Variants in ZAN observed in about 807,000 individuals in gnomAD.
ZAN encodes the protein zonadhesin, also known as zonadhesin (gene/pseudogene).
ZAN carries 260 observed loss-of-function variants against 286.2 expected under a neutral mutation model. The ratio of observed to expected loss-of-function variants is 0.91; its 90% CI spans 0.82 to 1.01. The LOEUF (loss-of-function observed/expected upper bound fraction) is 1.01. ZAN is among the 50% of genes least tolerant of loss of function. The probability of loss-of-function intolerance (pLI) is 0.00; values close to 1 mark genes in which losing one functional copy is unlikely to be tolerated. For synonymous variants in ZAN, 1,368 were observed against 1,417.5 expected (o/e 0.97, Z 0.79); for missense variants, 3,410 against 3,639.2 (o/e 0.94, Z 1.62).
rs376185033 is a variant in ZAN at position 100,746,683 on chromosome 7, C to T, written c.912C>T (p.His304=). ...GCCAGTCTCCTGGTGCAGCCCTCCA[C>T]ATTTATGCTTCAGTCTTGGGTTAGA... ...LRGQSPGAAL[H]IYASVLGSIR... Residue 304 remains histidine (H), a synonymous_variant, in exon 8 of 48, where the codon CAC becomes CAT. Coordinates refer to ENST00000613979, the MANE Select transcript of ZAN (RefSeq NM_003386.3). The T allele has an allele frequency of 6.2e-7, 1 of 1,613,950 alleles. No homozygotes were observed. The highest frequency in any genetic ancestry group is 1.3e-5 in the African/African-American group (1 of 75,044).
Position 100,793,802 on chromosome 7 carries a change from C to A in ZAN, c.7788-18C>A. On this transcript the variant is annotated intron_variant, in intron 42 of 47. Coordinates refer to ENST00000613979, the MANE Select transcript of ZAN (RefSeq NM_003386.3). The stretch of plus-strand genomic sequence containing the variant: ...CTGCCCAGCCCCAGCCAGTTTCTGA[C>A]CATGACTGTCCCCGCAGCCATGGAG... 1.3e-6 allele frequency: 2 copies of A among 1,566,158 alleles called. No individual in the cohort carries two copies. The highest frequency in any genetic ancestry group is 1.2e-5 in the South Asian group (1 of 82,546).
At chr7:100,789,484 AGGAGGTGAGGTGAGACCAGGT>A in intron 39 of ZAN, 137 bp downstream of exon 39, 2 of 1,399,012 alleles carry the variant, frequency 1.4e-6, no homozygotes, top group South Asian at 2.7e-5. Flanking sequence ...GAGGACCAGG[AGGAGGTGAGGTGAGACCAGGT>A]GGAGAGCAGA....
chr7:100,744,718 C>T (rs1205249547), intron 7 of ZAN, among the ~76,000 whole-genome samples: 3 of 151,662 alleles, frequency 2.0e-5, no homozygotes, highest in Non-Finnish European at 4.4e-5. Context: ...CACCGTGTAC[C>T]GCGCCCAGCA....
intron 36 of ZAN, 92 bp from the exon 37 acceptor site, chr7:100,785,905 C>T (rs1168288418): frequency 7.5e-6 from 11 of 1,469,224 alleles, no homozygotes; most frequent in Admixed American, 6.4e-5. Context: ...GTGATCCACC[C>T]GTCTCGGCCT....
chr7:100,790,175 G>C (rs1811845545), intron 39 of ZAN, among the ~76,000 whole-genome samples: 2 of 151,344 alleles, frequency 1.3e-5, no homozygotes, highest in Non-Finnish European at 2.9e-5. Flanking sequence ...GAGGAGAGAG[G>C]ATCGCTTGAG....
At position 100,763,897 on chromosome 7, in the gene ZAN, G is replaced by A. The variant is rs1393178685; in HGVS notation, c.4078G>A (p.Asp1360Asn). The A allele has an allele frequency of 3.1e-6, 5 of 1,613,976 alleles. No individual in the cohort carries two copies. Among genetic ancestry groups the A allele is most frequent in the East Asian group, 4.5e-5 (2 of 44,890 alleles). The change falls in exon 21 of 48, where the codon GAC becomes AAC. Residue 1360 changes from aspartate (D) to asparagine (N), a missense_variant. By Grantham distance (23) the Asp-to-Asn change is conservative. This residue lies in a region of ZAN where 1,042 missense variants were observed against 1,058.0 expected (regional missense o/e 0.98). Transcript: ENST00000613979. This position sits in a 1 kb window ranked among gnomAD's most constrained non-coding sequence, Gnocchi z 4.6. ...SGPGFCGRLV[D>N]THGPFETCLL... ...GCCAGGGTTCTGTGGACGGCTGGTC[G>A]ACACTCATGGCCCATTTGAGTATGA...
At chr7:100,756,068 T>C (rs556744870) in intron 15 of ZAN, among the ~76,000 whole-genome samples, 104 of 152,284 alleles carry the variant, frequency 6.8e-4, no homozygotes, top group Non-Finnish European at 5.9e-4. Context: ...TTTGTATTTT[T>C]AGTAGAGATA....
chr7:100,737,067 C>A lies in ZAN; in HGVS notation c.512C>A (p.Thr171Asn). 1 of 1,494,966 alleles carries A rather than the reference C, an allele frequency of 6.7e-7. No homozygotes were observed. Among genetic ancestry groups the A allele is most frequent in the Non-Finnish European group, 9.1e-7 (1 of 1,093,634 alleles). 92.6% of individuals were successfully genotyped at this position (1,494,966 alleles called of 1,614,324 possible). ...ACCGTCACTGTGCCCGCAGGGTTCA[C>A]CCTGCCCACCCGGGTAAGGCCGGGG... ...LTTVTVPAGFTLPTRLMFEGT... is the reference protein window; with the variant it reads ...LTTVTVPAGFNLPTRLMFEGT... Residue 171 changes from threonine to asparagine, a missense_variant, in exon 5 of 48, where the codon ACC becomes AAC. Transcript: ENST00000613979.
intron 15 of ZAN, 45 bp from the exon 16 acceptor site, chr7:100,758,157 T>C (rs1435253926): frequency 6.6e-7 from 1 of 1,526,138 alleles, no homozygotes; most frequent in Non-Finnish European, 8.8e-7. Flanking sequence ...GGAGAAGTAC[T>C]CTAGGAGCTA....
At chr7:100,735,902 A>T in intron 3 of ZAN, 130 bp downstream of exon 3, 1 of 735,006 alleles carries the variant, frequency 1.4e-6, no homozygotes, top group South Asian at 1.7e-5. Context: ...ATCAGCCAGG[A>T]CTACAAAATG....
Position 100,797,557 on chromosome 7 carries a change from T to C in ZAN, c.8367-20T>C. 1 of 1,613,840 alleles carries C rather than the reference T, an allele frequency of 6.2e-7. No homozygotes were observed. On this transcript the variant is annotated intron_variant, in intron 46 of 47. Transcript: ENST00000613979. The stretch of plus-strand genomic sequence containing the variant: ...AAAGGGCCACTTGGGGACCCATGTC[T>C]ATTCCCCCATGCCTTCTAGAGAGAA...
At chr7:100,775,862 G>C in intron 33 of ZAN, 29 bp downstream of exon 33, 1 of 1,609,184 alleles carries the variant, frequency 6.2e-7, no homozygotes, top group Non-Finnish European at 8.5e-7. Context: ...TCTTCTCGCT[G>C]GGGAGGCAGC....
intron 22 of ZAN, among the ~76,000 whole-genome samples, chr7:100,764,446 G>T (rs1373637476): frequency 1.3e-5 from 2 of 152,076 alleles, no homozygotes; most frequent in Non-Finnish European, 2.9e-5. Flanking sequence ...AGTGAGCCGA[G>T]ATTGCGCCAC....
Position 100,765,392 on chromosome 7 carries a change from G to A in ZAN, c.4308G>A (p.Ala1436=), listed in dbSNP as rs948243199. 3.0e-5 allele frequency: 48 copies of A among 1,613,820 alleles called. No homozygotes were observed. Among genetic ancestry groups the A allele is most frequent in the Non-Finnish European group, 3.8e-5 (45 of 1,179,878 alleles). The part of the protein sequence containing the change: ...CPPNSKYSLC[A]KPCPDTCHSG... ...CCAACAGCAAGTACTCCCTGTGTGC[G>A]AAGCCATGCCCTGACACCTGCCATT... The change falls in exon 23 of 48, where the codon GCG becomes GCA. Residue 1436 remains alanine, a synonymous_variant. Coordinates refer to ENST00000613979, the MANE Select transcript of ZAN (RefSeq NM_003386.3).
rs749780554 is a variant in ZAN, at chr7:100,765,365, G to A, written c.4281G>A (p.Pro1427=). 6.2e-6 allele frequency: 10 copies of A among 1,613,632 alleles called. No individual in the cohort carries two copies. Among genetic ancestry groups the A allele is most frequent in the Admixed American group, 1.7e-5 (1 of 59,944 alleles). Residue 1427 remains proline, a synonymous_variant, in exon 23 of 48, where the codon CCG becomes CCA. Transcript: ENST00000613979. ...TCCCTCCACCAGCAATGGCCTGCCC[G>A]CCCAACAGCAAGTACTCCCTGTGTG... ...REPHFCPMAC[P]PNSKYSLCAK...
rs1304073986 is a variant in ZAN, at chr7:100,736,580, G to A, written c.204G>A (p.Gly68=). ...ATGAAGACTGGGTTCGAGCCAGTGG[G>A]CCCTCTCCCACCGGCTCCACCGGGG... ...ADDEDWVRAS[G]PSPTGSTGAP... Residue 68 remains glycine, a synonymous_variant, in exon 4 of 48, where the codon GGG becomes GGA. Coordinates refer to ENST00000613979, the MANE Select transcript of ZAN (RefSeq NM_003386.3). 11 of 1,523,000 alleles carry A rather than the reference G, an allele frequency of 7.2e-6. 2 individuals are homozygous for A. Among genetic ancestry groups the A allele is most frequent in the Admixed American group, 1.7e-5 (1 of 57,452 alleles). 94.3% of individuals were successfully genotyped at this position (1,523,000 alleles called of 1,614,324 possible).
At position 100,735,904 on chromosome 7, in the gene ZAN, T is replaced by C. The variant is rs1807260822; in HGVS notation, c.106+132T>C. ...GTCCCCTCCGGGCATCAGCCAGGAC[T>C]ACAAAATGTGTCCTGCCAGGCCAAG... is the stretch of plus-strand genomic sequence containing the variant. On this transcript the variant is annotated intron_variant, in intron 3 of 47. Transcript: ENST00000613979. The C allele has an allele frequency of 2.8e-6, 2 of 715,832 alleles. 1 individual carries two copies. The highest frequency in any genetic ancestry group is 5.7e-5 in the Admixed American group (2 of 34,938). The allele number at this position is 715,832 out of a possible 1,614,324, so 44.3% of individuals were successfully genotyped here. A position where few individuals can be genotyped will look rare whatever the true frequency, so the allele number is the denominator to read the frequency against.
In ZAN at chr7:100,779,736, A is replaced by G; in HGVS notation, c.6608A>G (p.Asn2203Ser). ...GGGCTCAAGCCCCCACTCTGGAGAA[A>G]CAGCAGCTTCTGCCGTGAGTGTGCC... ...SQGLKPPLWR[N>S]SSFCPLECPA... Residue 2203 changes from asparagine to serine, a missense_variant, in exon 35 of 48, where the codon AAC becomes AGC. Around this residue, in one of 7 missense-constraint regions of ZAN, gnomAD observed 1,289 missense variants for 1,314.3 expected, o/e 0.98. Transcript: ENST00000613979. The G allele has an allele frequency of 6.4e-7, 1 of 1,553,598 alleles. No individual in the cohort carries two copies.
rs1040357059 is a variant in ZAN, at chr7:100,735,620, C to A, written c.54-100C>A. The A allele has an allele frequency of 2.1e-4, 190 of 918,194 alleles. 21 individuals carry two copies. In the African/African-American group the frequency reaches 3.0e-3, roughly 14 times the overall value. The allele number at this position is 918,194 out of a possible 1,614,324, so 56.9% of individuals were successfully genotyped here. A position where few individuals can be genotyped will look rare whatever the true frequency, so the allele number is the denominator to read the frequency against. ...ACACATTCACTGCATAAACACTGAT[C>A]ATCCTTACGTGACCACTCAGAAAGC... On this transcript the variant is annotated intron_variant, in intron 2 of 47. Coordinates refer to ENST00000613979, the MANE Select transcript of ZAN (RefSeq NM_003386.3).
Sources: allele counts gnomAD v4.1 joint callset (sites outside exome capture counted in the v4.1 genomes callset), GRCh38; gene constraint gnomAD v4.1.1; regional missense constraint gnomAD v4.1.1; non-coding constraint Gnocchi (gnomAD v3.1); transcripts MANE v1.5; gene names NCBI Gene and HGNC (gene_info 2026-07-23, HGNC 2026-07-21).